GSE1: variants seen among roughly 807,000 people sequenced by gnomAD.
The protein encoded by GSE1 is genetic suppressor element 1.
A neutral mutation model predicts 112.6 loss-of-function variants in GSE1; 32 were observed. That is an observed-to-expected ratio of 0.28 (90% confidence interval 0.21 to 0.38). GSE1 has a LOEUF of 0.38. Ranked by LOEUF, GSE1 falls within the 10% of genes least tolerant of loss-of-function variation. The probability of loss-of-function intolerance (pLI) is 1.00; values close to 1 mark genes in which losing one functional copy is unlikely to be tolerated. For missense variants in GSE1, 2,348 were observed against 1,699.2 expected (o/e 1.38, Z -6.71); for synonymous variants, 1,115 against 735.6 (o/e 1.52, Z -8.35).
intron 1 of GSE1, among the ~76,000 whole-genome samples, chr16:85,227,853 T>A (rs951129607): frequency 6.6e-6 from 1 of 152,220 alleles, no homozygotes; most frequent in Non-Finnish European, 1.5e-5. Flanking sequence ...GACCGGGGGA[T>A]ACAGCAGTGA....
At chr16:85,507,357 G>A (rs2051572136) in intron 2 of GSE1, among the ~76,000 whole-genome samples, 1 of 152,172 alleles carries the variant, frequency 6.6e-6, no homozygotes, top group African/African-American at 2.4e-5. Context: ...AACCCCACTC[G>A]TCTCTCTCTT....
chr16:85,218,751 C>G (rs900410167), intron 1 of GSE1, among the ~76,000 whole-genome samples: 1 of 152,230 alleles, frequency 6.6e-6, no homozygotes, highest in African/African-American at 2.4e-5. Flanking sequence ...GCTGGTCTTG[C>G]GTCTACTTCA....
chr16:85,274,681 G>A (rs1391687706), intron 1 of GSE1, among the ~76,000 whole-genome samples: 1 of 152,212 alleles, frequency 6.6e-6, no homozygotes, highest in Non-Finnish European at 1.5e-5. Flanking sequence ...CAGGGCTTAG[G>A]TGCCTGTCCC....
intron 1 of GSE1, among the ~76,000 whole-genome samples, chr16:85,298,100 C>G (rs979800026): frequency 6.6e-5 from 10 of 152,220 alleles, no homozygotes; most frequent in African/African-American, 2.4e-4. Flanking sequence ...GCTTCTCAAA[C>G]TGCAACGTGG....
At chr16:85,224,344 G>T (rs2075446853) in intron 1 of GSE1, among the ~76,000 whole-genome samples, 1 of 146,072 alleles carries the variant, frequency 6.8e-6, no homozygotes, top group Non-Finnish European at 1.5e-5. Context: ...GAACACACAG[G>T]GGCGGATTCC....
chr16:85,523,096 T>C (rs1193303817), intron 2 of GSE1, among the ~76,000 whole-genome samples: 1 of 151,666 alleles, frequency 6.6e-6, no homozygotes, highest in Non-Finnish European at 1.5e-5. Flanking sequence ...CCTGTGTGTG[T>C]TGTGTGCGTG....
chr16:85,293,282 A>C (rs1235525705), intron 1 of GSE1, among the ~76,000 whole-genome samples: 1 of 152,138 alleles, frequency 6.6e-6, no homozygotes, highest in African/African-American at 2.4e-5. Context: ...ACGGTGGCTC[A>C]CACCTATAAT....
intron 2 of GSE1, among the ~76,000 whole-genome samples, chr16:85,425,173 C>T (rs1021256809): frequency 2.0e-5 from 3 of 152,256 alleles, no homozygotes; most frequent in African/African-American, 4.8e-5. Context: ...GTCCCAGCTG[C>T]CTGTTCTGTA....
upstream of GSE1, among the ~76,000 whole-genome samples, chr16:85,610,181 C>T (rs776603651): frequency 5.3e-5 from 8 of 152,242 alleles, no homozygotes; most frequent in Non-Finnish European, 7.3e-5. Flanking sequence ...GTTGCCTTGG[C>T]ACAAAGCACA....
At chr16:85,629,412 C>T (rs553254030) in intron 1 of GSE1, among the ~76,000 whole-genome samples, 4 of 152,318 alleles carry the variant, frequency 2.6e-5, no homozygotes, top group Non-Finnish European at 2.9e-5. Flanking sequence ...AATGACCATA[C>T]GGTGCCCCAC....
intron 1 of GSE1, among the ~76,000 whole-genome samples, chr16:85,280,920 G>C (rs773549437): frequency 9.2e-5 from 14 of 152,182 alleles, no homozygotes; most frequent in Non-Finnish European, 2.1e-4. Context: ...TCCTCGGGCT[G>C]AATTGGAACC....
intron 1 of GSE1, among the ~76,000 whole-genome samples, chr16:85,599,899 CAG>C (rs771006079): frequency 5.9e-5 from 9 of 152,186 alleles, no homozygotes; most frequent in Non-Finnish European, 1.0e-4. Flanking sequence ...ACCTGGAAGA[CAG>C]ATGAGGCTGT....
intron 2 of GSE1, among the ~76,000 whole-genome samples, chr16:85,472,982 C>T (rs530756755): frequency 6.6e-6 from 1 of 152,378 alleles, no homozygotes; most frequent in Admixed American, 6.5e-5. Flanking sequence ...GGGCTCCTCT[C>T]CACATGGGCA....
At chr16:85,578,226 G>T (rs1436724877) in intron 1 of GSE1, among the ~76,000 whole-genome samples, 1 of 152,248 alleles carries the variant, frequency 6.6e-6, no homozygotes, top group Non-Finnish European at 1.5e-5. Flanking sequence ...CGGGACAGCT[G>T]CTTGCTGTGC....
chr16:85,516,457 CAAAAAA>C (rs71151299), intron 2 of GSE1, among the ~76,000 whole-genome samples: 9 of 69,444 alleles, frequency 1.3e-4, no homozygotes, highest in East Asian at 3.4e-4. Context: ...CCCATCTCTA[CAAAAAA>C]AAAAAAAAAA....
intron 1 of GSE1, among the ~76,000 whole-genome samples, chr16:85,299,988 CAT>C (rs1303438737): frequency 6.7e-6 from 1 of 148,308 alleles, no homozygotes; most frequent in Non-Finnish European, 1.5e-5. Flanking sequence ...TGTGTGGAAA[CAT>C]ATATAACATA....
chr16:85,400,817 C>CTGCG (rs139866881), intron 2 of GSE1, among the ~76,000 whole-genome samples: 20 of 151,202 alleles, frequency 1.3e-4, no homozygotes, highest in African/African-American at 4.1e-4. Flanking sequence ...GATTTTGTGT[C>CTGCG]TGTGATTATG....
At chr16:85,296,939 C>G (rs765818988) in intron 1 of GSE1, among the ~76,000 whole-genome samples, 13 of 152,224 alleles carry the variant, frequency 8.5e-5, no homozygotes, top group Non-Finnish European at 1.9e-4. Context: ...GGCTGCTCCC[C>G]CGGCGCTTCC....
At chr16:85,246,043 G>A (rs1209318444) in intron 1 of GSE1, among the ~76,000 whole-genome samples, 1 of 151,666 alleles carries the variant, frequency 6.6e-6, no homozygotes, top group Non-Finnish European at 1.5e-5. Context: ...GTCTGCATGT[G>A]TTAGTGTGCA....
Sources: allele counts gnomAD v4.1 joint callset (sites outside exome capture counted in the v4.1 genomes callset), GRCh38; gene constraint gnomAD v4.1.1; transcripts MANE v1.5; gene names NCBI Gene and HGNC (gene_info 2026-07-23, HGNC 2026-07-21).